ENPP2: variants seen among roughly 807,000 people sequenced by gnomAD.
The protein encoded by ENPP2 is autotaxin.
Under a neutral mutation model 120.2 loss-of-function variants are expected in ENPP2, and 51 were observed. The ratio of observed to expected loss-of-function variants is 0.42; its 90% CI spans 0.34 to 0.54. The LOEUF is 0.54. Among genes scored for constraint, ENPP2 ranks in the 20% least tolerant of loss-of-function variants. The probability of loss-of-function intolerance (pLI) is 0.04; values close to 1 mark genes in which losing one functional copy is unlikely to be tolerated. For missense variants in ENPP2, 920 were observed against 1,066.5 expected (o/e 0.86, Z 1.91); for synonymous variants, 365 against 366.4 (o/e 1.00, Z 0.04).
At chr8:119,630,954 G>T (rs1563754944) in intron 2 of ENPP2, among the ~76,000 whole-genome samples, 3 of 151,022 alleles carry the variant, frequency 2.0e-5, no homozygotes, top group Non-Finnish European at 2.9e-5. Flanking sequence ...GAGTGTAATG[G>T]TGCGATCTCG....
intron 15 of ENPP2, among the ~76,000 whole-genome samples, 198 bp from the exon 16 acceptor site, chr8:119,584,247 G>A (rs1486750309): frequency 3.3e-5 from 5 of 152,146 alleles, no homozygotes; most frequent in Non-Finnish European, 5.9e-5. Context: ...GTTATTGCAG[G>A]ATAAATGGCG....
At chr8:119,669,955 T>C (rs1818192034) in intron 1 of ENPP2, among the ~76,000 whole-genome samples, 2 of 152,116 alleles carry the variant, frequency 1.3e-5, no homozygotes, top group South Asian at 4.1e-4. Context: ...TTCTACAGAG[T>C]TTTTAGAGGG....
intron 13 of ENPP2, among the ~76,000 whole-genome samples, chr8:119,589,416 G>A (rs1813345159): frequency 6.6e-6 from 1 of 151,998 alleles, no homozygotes; most frequent in South Asian, 2.1e-4. Context: ...GCCATGGGAA[G>A]GTTTTTTTTT....
In ENPP2 at chr8:119,557,631, G is replaced by A. The variant is rs752514086; in HGVS notation, c.2482C>T (p.Arg828Cys). Reference protein sequence around the residue: ...ELMKMHTARVRDIEHLTSLDF... With the variant: ...ELMKMHTARVCDIEHLTSLDF... ...AGGCTGGTGAGATGTTCAATGTCAC[G>A]CACCCTAGCTGTGTGCATCTTCATG... The change falls in exon 25 of 25, where the codon CGT becomes TGT. Residue 828 changes from arginine (R) to cysteine (C), a missense_variant. By Grantham distance (180) the Arg-to-Cys change is radical. Transcript: ENST00000075322. The A allele has an allele frequency of 9.9e-6, 16 of 1,609,440 alleles. No individual in the cohort carries two copies. Among genetic ancestry groups the A allele is most frequent in the East Asian group, 2.2e-5 (1 of 44,810 alleles).
intron 22 of ENPP2, among the ~76,000 whole-genome samples, chr8:119,565,410 C>T (rs1814334447): frequency 2.6e-5 from 4 of 152,176 alleles, no homozygotes; most frequent in Admixed American, 2.6e-4. Context: ...CTGACCTTTC[C>T]TGGAGATCCA....
At chr8:119,628,811 T>G (rs1816456284) in intron 2 of ENPP2, among the ~76,000 whole-genome samples, 1 of 152,194 alleles carries the variant, frequency 6.6e-6, no homozygotes, top group Non-Finnish European at 1.5e-5. Context: ...GGAGAAAATG[T>G]CCAAGTTTGC....
At chr8:119,628,210 A>G (rs543993860) in intron 2 of ENPP2, among the ~76,000 whole-genome samples, 1 of 152,292 alleles carries the variant, frequency 6.6e-6, no homozygotes, top group African/African-American at 2.4e-5. Flanking sequence ...AGGGACTATA[A>G]ATAATTAAGT....
At chr8:119,580,311 T>G in intron 18 of ENPP2, 144 bp from the exon 19 acceptor site, 1 of 704,992 alleles carries the variant, frequency 1.4e-6, no homozygotes, top group Non-Finnish European at 2.5e-6. Flanking sequence ...TTTCGAGGAA[T>G]TAACTGTTTT....
chr8:119,653,902 A>G (rs1817693689), intron 1 of ENPP2, among the ~76,000 whole-genome samples: 1 of 150,820 alleles, frequency 6.6e-6, no homozygotes, highest in African/African-American at 2.4e-5. Flanking sequence ...TGCAAAATGC[A>G]CAGGCTTTAT....
intron 23 of ENPP2, among the ~76,000 whole-genome samples, chr8:119,564,505 C>T (rs1194972328): frequency 6.6e-6 from 1 of 151,738 alleles, no homozygotes; most frequent in Non-Finnish European, 1.5e-5. Context: ...TGGTGAAACC[C>T]CGTCTCTGCT....
At chr8:119,576,866 T>C (rs1189478230) in intron 19 of ENPP2, among the ~76,000 whole-genome samples, 1 of 152,222 alleles carries the variant, frequency 6.6e-6, no homozygotes, top group East Asian at 1.9e-4. Flanking sequence ...TATTAAAGTT[T>C]AGCAAGCAGC....
intron 8 of ENPP2, among the ~76,000 whole-genome samples, chr8:119,608,947 T>G (rs935491090): frequency 6.6e-6 from 1 of 152,206 alleles, no homozygotes; most frequent in Non-Finnish European, 1.5e-5. Flanking sequence ...AGTGTCCCAC[T>G]GAACAGAAGT....
intron 1 of ENPP2, among the ~76,000 whole-genome samples, chr8:119,643,967 G>C (rs140686593): frequency 6.6e-6 from 1 of 152,202 alleles, no homozygotes; most frequent in Non-Finnish European, 1.5e-5. Context: ...TGGAGGTATG[G>C]CACATCCACG....
At chr8:119,653,039 C>T (rs1192360921) in intron 1 of ENPP2, among the ~76,000 whole-genome samples, 1 of 152,142 alleles carries the variant, frequency 6.6e-6, no homozygotes, top group Non-Finnish European at 1.5e-5. Context: ...TTCATTTTAT[C>T]CTAGGCTTCT....
intron 1 of ENPP2, among the ~76,000 whole-genome samples, chr8:119,644,119 A>T (rs893892647): frequency 6.6e-6 from 1 of 152,130 alleles, no homozygotes; most frequent in Non-Finnish European, 1.5e-5. Context: ...CCCTAAAGGC[A>T]ACAAAAAGCC....
At chr8:119,585,054 C>CT (rs1276765461) in intron 15 of ENPP2, among the ~76,000 whole-genome samples, 4 of 152,310 alleles carry the variant, frequency 2.6e-5, no homozygotes, top group South Asian at 4.1e-4. Flanking sequence ...CACTTAACTT[C>CT]TACTCAGCTC....
intron 4 of ENPP2, among the ~76,000 whole-genome samples, chr8:119,620,772 C>A (rs1275409561): frequency 6.6e-6 from 1 of 152,228 alleles, no homozygotes; most frequent in African/African-American, 2.4e-5. Context: ...AAAGCCAACA[C>A]TCATGCATAT....
At chr8:119,578,558 A>C (rs1812507533) in intron 19 of ENPP2, 1 of 152,244 alleles carries the variant, frequency 6.6e-6, no homozygotes, top group African/African-American at 2.4e-5. Flanking sequence ...GAAGCATCTG[A>C]GTAGTATTTA....
chr8:119,570,639 G>T, intron 20 of ENPP2, 66 bp downstream of exon 20: 1 of 825,826 alleles, frequency 1.2e-6, no homozygotes, highest in South Asian at 2.0e-5. Flanking sequence ...GTTAAGCAAG[G>T]AATCATTGTA....
Sources: allele counts gnomAD v4.1 joint callset (sites outside exome capture counted in the v4.1 genomes callset), GRCh38; gene constraint gnomAD v4.1.1; transcripts MANE v1.5; gene names NCBI Gene and HGNC (gene_info 2026-07-23, HGNC 2026-07-21).